AGMO: variants seen among roughly 807,000 people sequenced by gnomAD.
AGMO encodes the protein glyceryl-ether monooxygenase.
A neutral mutation model predicts 60.2 loss-of-function variants in AGMO; 75 were observed. The ratio of observed to expected loss-of-function variants is 1.25; its 90% CI spans 1.03 to 1.51. AGMO has a LOEUF of 1.51. AGMO is among the 40% of genes most tolerant of loss of function. The pLI is 0.00. For missense variants in AGMO, 763 were observed against 525.5 expected (o/e 1.45, Z -4.42); for synonymous variants, 261 against 177.1 (o/e 1.47, Z -3.76).
At chr7:15,466,840 C>T (rs1036557302) in intron 3 of AGMO, among the ~76,000 whole-genome samples, 4 of 152,000 alleles carry the variant, frequency 2.6e-5, no homozygotes, top group East Asian at 1.9e-4. Flanking sequence ...ATTATGAGTC[C>T]GGATTCCATA....
At chr7:15,507,724 TG>T (rs757732398) in intron 3 of AGMO, among the ~76,000 whole-genome samples, 266 of 152,244 alleles carry the variant, frequency 1.7e-3, no homozygotes, top group Non-Finnish European at 3.4e-3. Context: ...TATTAAGAAA[TG>T]TTTTTTAAAC....
chr7:15,413,406 A>G (rs1780670647), intron 5 of AGMO, among the ~76,000 whole-genome samples: 1 of 152,192 alleles, frequency 6.6e-6, no homozygotes, highest in Non-Finnish European at 1.5e-5. Flanking sequence ...AGAAAAGGAC[A>G]GAAACAATGT....
intron 10 of AGMO, among the ~76,000 whole-genome samples, chr7:15,373,681 G>A (rs951613261): frequency 6.6e-6 from 1 of 151,986 alleles, no homozygotes; most frequent in African/African-American, 2.4e-5. Context: ...TAAAATAACA[G>A]TATGTTTCCA....
chr7:15,414,884 C>T (rs1780713322), intron 5 of AGMO, among the ~76,000 whole-genome samples: 1 of 152,030 alleles, frequency 6.6e-6, no homozygotes, highest in African/African-American at 2.4e-5. Context: ...TCACGGACAT[C>T]TAATGGATTT....
At chr7:15,197,254 T>C (rs1781142301), downstream of AGMO, among the ~76,000 whole-genome samples, 1 of 152,186 alleles carries the variant, frequency 6.6e-6, no homozygotes, top group Admixed American at 6.5e-5. Flanking sequence ...TTTTCTATTG[T>C]TCTCCCGAAT....
chr7:15,225,818 AT>A (rs1363522461), intron 12 of AGMO, among the ~76,000 whole-genome samples: 1 of 152,052 alleles, frequency 6.6e-6, no homozygotes, highest in Non-Finnish European at 1.5e-5. Flanking sequence ...TTTCTTAAAT[AT>A]TTAAGAGTTG....
At chr7:15,411,900 A>T (rs28626386) in intron 5 of AGMO, among the ~76,000 whole-genome samples, 13,665 of 152,128 alleles carry the variant, frequency 0.09, 1,038 homozygotes, top group African/African-American at 0.2. Context: ...GAGTAAATTT[A>T]ATATAATTTT....
intron 10 of AGMO, among the ~76,000 whole-genome samples, chr7:15,370,349 T>TG (rs1783158021): frequency 6.6e-6 from 1 of 152,208 alleles, no homozygotes; most frequent in Admixed American, 6.5e-5. Context: ...TTGTGAATAA[T>TG]GCTGCGATGA....
chr7:15,132,588 A>G, the AGMO span, among the ~76,000 whole-genome samples: 1 of 152,158 alleles, frequency 6.6e-6, no homozygotes, highest in South Asian at 2.1e-4. Flanking sequence ...ACAGGGAAAT[A>G]ATGGCCTGGA....
intron 12 of AGMO, among the ~76,000 whole-genome samples, chr7:15,310,906 C>G (rs1338989244): frequency 6.6e-6 from 1 of 152,106 alleles, no homozygotes; most frequent in Non-Finnish European, 1.5e-5. Flanking sequence ...TCATGGCCCT[C>G]TTCCATCTTC....
At chr7:15,165,755 T>C in the AGMO span, among the ~76,000 whole-genome samples, 4 of 152,172 alleles carry the variant, frequency 2.6e-5, no homozygotes, top group East Asian at 1.9e-4. Context: ...AATTGGGACA[T>C]TGTAAAACTA....
chr7:15,505,903 T>A (rs1783501547), intron 3 of AGMO, among the ~76,000 whole-genome samples: 2 of 152,040 alleles, frequency 1.3e-5, no homozygotes, highest in South Asian at 2.1e-4. Context: ...TTTAATAGTT[T>A]CAGCATGATC....
intron 12 of AGMO, among the ~76,000 whole-genome samples, chr7:15,352,694 G>A (rs1420521839): frequency 6.6e-6 from 1 of 151,802 alleles, no homozygotes; most frequent in African/African-American, 2.4e-5. Context: ...TCCCTGTCAT[G>A]TACTAGTGGA....
At chr7:15,526,589 C>A (rs559518802) in intron 3 of AGMO, among the ~76,000 whole-genome samples, 1 of 152,250 alleles carries the variant, frequency 6.6e-6, no homozygotes, top group African/African-American at 2.4e-5. Flanking sequence ...ACCACTTAAG[C>A]CTTCTTGGGT....
chr7:15,136,895 G>A, the AGMO span, among the ~76,000 whole-genome samples: 1 of 151,866 alleles, frequency 6.6e-6, no homozygotes, highest in Admixed American at 6.5e-5. Context: ...GTGTTCCACA[G>A]AGGTTTCCCT....
chr7:15,264,252 A>C (rs1233755377), intron 12 of AGMO, among the ~76,000 whole-genome samples: 1 of 151,894 alleles, frequency 6.6e-6, no homozygotes, highest in African/African-American at 2.4e-5. Flanking sequence ...TAAAATATAT[A>C]TTTTACCCCT....
chr7:15,452,292 A>G (rs1265521254), intron 3 of AGMO, among the ~76,000 whole-genome samples: 2 of 152,184 alleles, frequency 1.3e-5, no homozygotes, highest in African/African-American at 4.8e-5. Flanking sequence ...AAAAAATTGA[A>G]AAAACAATCC....
At chr7:15,450,001 T>C (rs1194212168) in intron 3 of AGMO, among the ~76,000 whole-genome samples, 3 of 152,216 alleles carry the variant, frequency 2.0e-5, no homozygotes, top group Non-Finnish European at 4.4e-5. Flanking sequence ...TTAAAATGAA[T>C]TTCTGTTCAA....
intron 11 of AGMO, among the ~76,000 whole-genome samples, chr7:15,365,834 T>C (rs1171914401): frequency 6.6e-6 from 1 of 152,046 alleles, no homozygotes; most frequent in Non-Finnish European, 1.5e-5. Flanking sequence ...TTGCTTAGTT[T>C]GAGCACTGAT....
Sources: gnomAD v4.1 joint callset for allele counts (sites outside exome capture counted in the v4.1 genomes callset) on GRCh38, gnomAD v4.1.1 for gene constraint, MANE v1.5 for transcripts, NCBI Gene and HGNC (gene_info 2026-07-23, HGNC 2026-07-21) for gene names.